SAMD5: variants seen among roughly 807,000 people sequenced by gnomAD.
SAMD5 encodes sterile alpha motif domain containing 5, also known as sterile alpha motif domain-containing protein 5.
In SAMD5, 13 loss-of-function variants were observed where a neutral mutation model predicts 11.3. That is an observed-to-expected ratio of 1.15 (90% CI 0.75 to 1.83). The LOEUF (loss-of-function observed/expected upper bound fraction) is 1.83. SAMD5 is among the 40% of genes most tolerant of loss of function. The probability of loss-of-function intolerance (pLI) is 0.00; values close to 1 mark genes in which losing one functional copy is unlikely to be tolerated. For synonymous variants in SAMD5, 129 were observed against 111.3 expected (o/e 1.16, Z -1.00); for missense variants, 255 against 239.1 (o/e 1.07, Z -0.44).
chr6:147,658,191 T>C (rs1479152251), intron 1 of SAMD5, among the ~76,000 whole-genome samples: 1 of 152,162 alleles, frequency 6.6e-6, no homozygotes, highest in East Asian at 1.9e-4. Context: ...GCCTCTCCAG[T>C]GTCCCAGCCC....
the SAMD5 span, among the ~76,000 whole-genome samples, chr6:147,915,169 T>A: frequency 6.6e-6 from 1 of 152,226 alleles, no homozygotes; most frequent in African/African-American, 2.4e-5. Context: ...CAGAAGTTGA[T>A]AGCTTTTCTG....
downstream of SAMD5, among the ~76,000 whole-genome samples, chr6:147,738,429 C>T (rs368999348): frequency 5.9e-5 from 9 of 152,054 alleles, no homozygotes; most frequent in African/African-American, 4.8e-5. Context: ...AAGCACTGTG[C>T]GCAGAAGTTC....
intron 1 of SAMD5, among the ~76,000 whole-genome samples, chr6:147,595,522 C>CTTTTTT (rs770537446): frequency 0.024 from 2,553 of 106,658 alleles, 204 homozygotes; most frequent in African/African-American, 0.097. Flanking sequence ...ACTAAACTAC[C>CTTTTTT]TTTTTTTTTT....
chr6:147,918,688 C>CTTT, the SAMD5 span, among the ~76,000 whole-genome samples: 12 of 99,444 alleles, frequency 1.2e-4, no homozygotes, highest in East Asian at 2.9e-4. Context: ...CACAAGCATT[C>CTTT]TTTTTTTTTT....
At chr6:147,515,418 C>T (rs1284877015) in intron 1 of SAMD5, among the ~76,000 whole-genome samples, 4 of 145,646 alleles carry the variant, frequency 2.7e-5, no homozygotes, top group Non-Finnish European at 1.5e-5. Context: ...TTTATCCATC[C>T]GTCTTCCATC....
the SAMD5 span, among the ~76,000 whole-genome samples, chr6:147,929,938 C>T: frequency 1.3e-5 from 2 of 152,306 alleles, no homozygotes; most frequent in South Asian, 4.1e-4. Flanking sequence ...TCTGGTACAG[C>T]ATTTAAAATG....
chr6:147,923,905 T>TC, the SAMD5 span, among the ~76,000 whole-genome samples: 3 of 152,206 alleles, frequency 2.0e-5, no homozygotes, highest in Admixed American at 6.5e-5. Context: ...GCACAAGTCT[T>TC]TCTTTGCTAG....
chr6:147,530,722 G>C (rs1788417688), intron 1 of SAMD5, among the ~76,000 whole-genome samples: 1 of 152,208 alleles, frequency 6.6e-6, no homozygotes, highest in African/African-American at 2.4e-5. Flanking sequence ...GAGAGCAAAG[G>C]TGCAAATGGC....
chr6:147,678,100 C>T (rs1185891061), intron 1 of SAMD5, among the ~76,000 whole-genome samples: 2 of 152,098 alleles, frequency 1.3e-5, no homozygotes, highest in African/African-American at 4.8e-5. Flanking sequence ...GATGCATTTT[C>T]CCATAAGATT....
the SAMD5 span, among the ~76,000 whole-genome samples, chr6:147,838,710 T>G: frequency 2.0e-5 from 3 of 152,176 alleles, no homozygotes; most frequent in Non-Finnish European, 2.9e-5. Flanking sequence ...CAGGGACAGA[T>G]GACAGATAAA....
the SAMD5 span, among the ~76,000 whole-genome samples, chr6:147,763,056 C>A: frequency 3.3e-5 from 5 of 150,618 alleles, no homozygotes. Flanking sequence ...CATACCAATG[C>A]CCCATTCCAA....
chr6:147,735,963 C>A (rs1474254679), intron 1 of SAMD5, among the ~76,000 whole-genome samples: 1 of 152,064 alleles, frequency 6.6e-6, no homozygotes, highest in African/African-American at 2.4e-5. Context: ...AGGCTCTTTT[C>A]TCATCTGTAA....
At chr6:147,926,320 C>T in the SAMD5 span, among the ~76,000 whole-genome samples, 1 of 152,094 alleles carries the variant, frequency 6.6e-6, no homozygotes, top group East Asian at 1.9e-4. Flanking sequence ...TATAAGAATT[C>T]TCTTCTCTGC....
At chr6:147,848,139 A>T in the SAMD5 span, among the ~76,000 whole-genome samples, 1 of 152,224 alleles carries the variant, frequency 6.6e-6, no homozygotes, top group East Asian at 1.9e-4. Context: ...GGGAAATAAG[A>T]AAATTCTGTT....
the SAMD5 span, among the ~76,000 whole-genome samples, chr6:147,791,242 T>G: frequency 6.6e-6 from 1 of 152,040 alleles, no homozygotes; most frequent in Non-Finnish European, 1.5e-5. Context: ...TTGCAGTGAT[T>G]GTGCCACTGT....
the SAMD5 span, among the ~76,000 whole-genome samples, chr6:147,791,631 G>A: frequency 3.9e-5 from 6 of 151,950 alleles, no homozygotes; most frequent in African/African-American, 7.3e-5. Flanking sequence ...CCTGTGAATC[G>A]TTTCATTGTA....
chr6:147,951,267 C>T, the SAMD5 span, among the ~76,000 whole-genome samples: 12 of 151,586 alleles, frequency 7.9e-5, no homozygotes, highest in African/African-American at 2.9e-4. Flanking sequence ...CTGCAAGCTC[C>T]GCCTTCCGGG....
chr6:147,581,336 C>CTA (rs1188915798), intron 1 of SAMD5, among the ~76,000 whole-genome samples: 1 of 152,214 alleles, frequency 6.6e-6, no homozygotes, highest in East Asian at 1.9e-4. Flanking sequence ...TGGAAGTTAC[C>CTA]TATATGTGTG....
At chr6:147,655,258 TTGAC>T (rs1339278063) in intron 1 of SAMD5, among the ~76,000 whole-genome samples, 1 of 152,226 alleles carries the variant, frequency 6.6e-6, no homozygotes, top group East Asian at 1.9e-4. Context: ...AAAAGAACAC[TTGAC>T]TAGCTGCTAA....
Sources: gnomAD v4.1 joint callset for allele counts (sites outside exome capture counted in the v4.1 genomes callset) on GRCh38, gnomAD v4.1.1 for gene constraint, MANE v1.5 for transcripts, NCBI Gene and HGNC (gene_info 2026-07-23, HGNC 2026-07-21) for gene names.